The following PSPC1 variants were observed in gnomAD, a reference collection of about 807,000 sequenced individuals.
The protein encoded by PSPC1 is paraspeckle component 1.
Under a neutral mutation model 51.6 loss-of-function variants are expected in PSPC1, and 14 were observed. The ratio of observed to expected loss-of-function variants is 0.27; its 90% confidence interval spans 0.18 to 0.42. PSPC1 has a LOEUF of 0.42. Ranked by LOEUF, PSPC1 falls within the 10% of genes least tolerant of loss-of-function variation. PSPC1 has a pLI of 1.00. For missense variants in PSPC1, 406 were observed against 701.1 expected, an observed-to-expected ratio of 0.58 and a Z score of 4.75; for synonymous variants, 193 against 231.9, an observed-to-expected ratio of 0.83 and a Z score of 1.53.
At chr13:19,730,922 G>C (rs1170036481) in intron 5 of PSPC1, among the ~76,000 whole-genome samples, 11 of 126,550 alleles carry the variant, frequency 8.7e-5, no homozygotes, top group African/African-American at 2.8e-4. Context: ...ACTCCAGACT[G>C]GGCAACAGTG....
rs1202256189 is a variant in PSPC1 at position 19,782,247 on chromosome 13, G to A, written c.372+139C>T. The A allele has an allele frequency of 1.5e-6, 2 of 1,331,290 alleles. No individual in the cohort carries two copies. The highest frequency in any genetic ancestry group is 2.7e-5 in the Admixed American group (1 of 37,002). The allele number at this position is 1,331,290 out of a possible 1,614,324, so 82.5% of individuals were successfully genotyped here. On this transcript the variant is annotated intron_variant, in intron 1 of 8. Transcript: ENST00000338910. This position sits in a 1 kb window ranked among gnomAD's most constrained non-coding sequence, Gnocchi z 4.5. ...CTGGGGAAGCGGCCAACCCCGCACA[G>A]AGGAATCGATGAGGCCGAGCGGCGC...
At chr13:19,748,361 G>A (rs1390846666) in intron 4 of PSPC1, among the ~76,000 whole-genome samples, 5 of 152,166 alleles carry the variant, frequency 3.3e-5, no homozygotes, top group Non-Finnish European at 7.3e-5. Context: ...CGGCACAAGT[G>A]AACCCAGAAG....
At chr13:19,754,710 G>T (rs1314268424) in intron 3 of PSPC1, among the ~76,000 whole-genome samples, 3 of 152,170 alleles carry the variant, frequency 2.0e-5, no homozygotes, top group Non-Finnish European at 4.4e-5. Context: ...AAAGTGCTGG[G>T]ATTACAGGCG....
intron 6 of PSPC1, among the ~76,000 whole-genome samples, chr13:19,679,577 T>C (rs1877049646): frequency 6.6e-6 from 1 of 152,196 alleles, no homozygotes; most frequent in Non-Finnish European, 1.5e-5. Flanking sequence ...TTTTTCCTTG[T>C]CATTATTCCC....
chr13:19,730,417 A>G, intron 5 of PSPC1, 73 bp from the exon 6 acceptor site: 1 of 1,351,562 alleles, frequency 7.4e-7, no homozygotes, highest in East Asian at 2.3e-5. Flanking sequence ...CTTCATGTAA[A>G]ATGAAATCAT....
chr13:19,765,900 T>C (rs558916228), intron 2 of PSPC1, among the ~76,000 whole-genome samples: 2 of 152,342 alleles, frequency 1.3e-5, no homozygotes, highest in African/African-American at 4.8e-5. Context: ...AATATTATAA[T>C]GTTTTTCTTA....
At chr13:19,697,915 T>C (rs1255980258), downstream of PSPC1, among the ~76,000 whole-genome samples, 1 of 152,064 alleles carries the variant, frequency 6.6e-6, no homozygotes, top group Non-Finnish European at 1.5e-5. Flanking sequence ...TAATAAATAA[T>C]ACAAATAACT....
downstream of PSPC1, among the ~76,000 whole-genome samples, chr13:19,673,766 A>C (rs1317546562): frequency 6.6e-6 from 1 of 152,216 alleles, no homozygotes; most frequent in Non-Finnish European, 1.5e-5. Flanking sequence ...ATCGTCAAAT[A>C]GTTCAAATTA....
intron 5 of PSPC1, among the ~76,000 whole-genome samples, chr13:19,739,466 G>A (rs1490152128): frequency 6.6e-6 from 1 of 152,122 alleles, no homozygotes; most frequent in East Asian, 1.9e-4. Context: ...GAAAAGATCT[G>A]GCCGGGCGTG....
intron 7 of PSPC1, 150 bp downstream of exon 7, chr13:19,709,392 G>A (rs1881121452): frequency 1.9e-6 from 1 of 530,602 alleles, no homozygotes; most frequent in Admixed American, 3.5e-5. Context: ...TAATTGTATT[G>A]TATTCCAGTT....
intron 6 of PSPC1, among the ~76,000 whole-genome samples, chr13:19,685,337 C>T (rs1163534191): frequency 6.6e-6 from 1 of 152,182 alleles, no homozygotes; most frequent in Non-Finnish European, 1.5e-5. Flanking sequence ...CAGTCATAAT[C>T]AGGGCTCATT....
At chr13:19,713,084 C>G (rs1881637746) in intron 6 of PSPC1, among the ~76,000 whole-genome samples, 1 of 151,996 alleles carries the variant, frequency 6.6e-6, no homozygotes, top group African/African-American at 2.4e-5. Context: ...GTGTGCCCAC[C>G]CAACAAGCAA....
chr13:19,704,737 A>G (rs1880432908), intron 8 of PSPC1, among the ~76,000 whole-genome samples: 1 of 152,186 alleles, frequency 6.6e-6, no homozygotes, highest in Non-Finnish European at 1.5e-5. Context: ...ATTTAAATAT[A>G]ATAAAAATTA....
chr13:19,762,130 G>A (rs1887653262), intron 2 of PSPC1, among the ~76,000 whole-genome samples: 2 of 152,200 alleles, frequency 1.3e-5, no homozygotes, highest in African/African-American at 2.4e-5. Flanking sequence ...CTTACACAGT[G>A]CGGGAGAGGA....
chr13:19,719,073 T>C (rs1228795019), intron 6 of PSPC1, among the ~76,000 whole-genome samples: 3 of 150,306 alleles, frequency 2.0e-5, no homozygotes, highest in East Asian at 4.0e-4. Flanking sequence ...ACCCTCAGAA[T>C]GTACACCCAG....
chr13:19,753,803 G>A (rs148296493), intron 3 of PSPC1, among the ~76,000 whole-genome samples: 1,785 of 152,128 alleles, frequency 0.012, 35 homozygotes, highest in African/African-American at 0.039. Context: ...ATCAAAGACA[G>A]CCATGATCCT....
chr13:19,708,053 C>T (rs1240109029), intron 7 of PSPC1, among the ~76,000 whole-genome samples: 11 of 152,076 alleles, frequency 7.2e-5, no homozygotes, highest in African/African-American at 1.7e-4. Flanking sequence ...TCTTTATGGG[C>T]GAGGGCCATG....
At chr13:19,764,344 C>T (rs564843966) in intron 2 of PSPC1, among the ~76,000 whole-genome samples, 10 of 152,058 alleles carry the variant, frequency 6.6e-5, no homozygotes, top group Admixed American at 3.9e-4. Context: ...CACCATTTTA[C>T]GCACTGCATG....
intron 1 of PSPC1, among the ~76,000 whole-genome samples, chr13:19,780,339 G>T (rs1215748406): frequency 5.2e-5 from 6 of 115,076 alleles, no homozygotes; most frequent in South Asian, 3.6e-4. Context: ...GAACGGGCCA[G>T]GATGACAATG....
Sources: gnomAD v4.1 joint callset for allele counts (sites outside exome capture counted in the v4.1 genomes callset) on GRCh38, gnomAD v4.1.1 for gene constraint, Gnocchi (gnomAD v3.1) non-coding constraint, MANE v1.5 for transcripts, NCBI Gene and HGNC (gene_info 2026-07-23, HGNC 2026-07-21) for gene names.